Variants in SHKBP1 observed in about 807,000 individuals in gnomAD.
The protein encoded by SHKBP1 is SH3KBP1 binding protein 1, also known as SH3KBP1-binding protein 1.
In SHKBP1, 71 loss-of-function variants were observed where a neutral mutation model predicts 83.9. That is an observed-to-expected ratio of 0.85 (90% CI 0.70 to 1.03). The LOEUF (loss-of-function observed/expected upper bound fraction) is 1.03, where lower values mean the gene tolerates loss of function less well. Ranked by LOEUF, SHKBP1 falls within the 50% of genes least tolerant of loss-of-function variation. SHKBP1 has a pLI of 0.00. For missense variants in SHKBP1, 824 were observed against 982.4 expected, an observed-to-expected ratio of 0.84 and a Z score of 2.16; for synonymous variants, 371 against 398.0, an observed-to-expected ratio of 0.93 and a Z score of 0.81.
rs147795324 is a variant in SHKBP1 at position 40,580,633 on chromosome 19, T to C, written c.630T>C (p.Tyr210=). The C allele has an allele frequency of 5.8e-5, 94 of 1,614,060 alleles. No individual in the cohort carries two copies. The African/African-American group carries it at 1.1e-3, about 20-fold the overall frequency. Residue 210 remains tyrosine (Y), a synonymous_variant, in exon 8 of 18, where the codon TAT becomes TAC. Transcript: ENST00000291842. ...ACCATAATTGGATCGCTGTGGCCTA[T>C]ACCCAGTTTCTAGTCTGCTACAGGT... ...CGHHNWIAVA[Y]TQFLVCYRLK...
intron 6 of SHKBP1, 147 bp from the exon 7 acceptor site, chr19:40,580,177 C>A: frequency 1.1e-6 from 1 of 888,988 alleles, no homozygotes; most frequent in Non-Finnish European, 1.7e-6. Context: ...AGTGTCATTT[C>A]ATGCTGTGTC....
chr19:40,583,928 C>T (rs1309099487), intron 12 of SHKBP1, among the ~76,000 whole-genome samples: 12 of 152,082 alleles, frequency 7.9e-5, no homozygotes, highest in Non-Finnish European at 1.5e-5. Flanking sequence ...GCAACCTCCA[C>T]CTCCTGAGTT....
rs368828827 is a variant in SHKBP1, at chr19:40,586,799, C to T, written c.1191C>T (p.Ile397=). The change falls in exon 13 of 18, where the codon ATC becomes ATT. Residue 397 remains isoleucine, a synonymous_variant. Coordinates refer to ENST00000291842, the MANE Select transcript of SHKBP1 (RefSeq NM_138392.4). ...KTSDSGNWIE[I]AYGTSSGGVR... ...GTGACAGTGGGAACTGGATCGAGAT[C>T]GCCTATGGCACCAGCTCAGGGGGCG... 147 of 1,597,786 alleles carry T rather than the reference C, an allele frequency of 9.2e-5. No individual in the cohort carries two copies. Among genetic ancestry groups the T allele is most frequent in the Admixed American group, 1.4e-4 (8 of 58,928 alleles).
intron 12 of SHKBP1, chr19:40,585,535 C>CTTTTTTTTTTTTTTTTTTTTTT: frequency 7.5e-6 from 1 of 132,916 alleles, no homozygotes; most frequent in Admixed American, 7.6e-5. Flanking sequence ...TTCTTTCTTT[C>CTTTTTTTTTTTTTTTTTTTTTT]TTTTTTTTTT....
At chr19:40,580,248 C>T (rs759860957) in intron 6 of SHKBP1, 76 bp from the exon 7 acceptor site, 12 of 1,509,434 alleles carry the variant, frequency 8.0e-6, no homozygotes, top group South Asian at 6.1e-5. Context: ...AATCAATCAC[C>T]GTCATATTTT....
rs143504599 is a variant in SHKBP1 at position 40,578,626 on chromosome 19, T to G, written c.400+84T>G. ...TAAGGCTGCAGCTCTCGGGTGCCTG[T>G]GCTGTGCGTCCTGAGATACAGTGGG... On this transcript the variant is annotated intron_variant, in intron 6 of 17. Transcript: ENST00000291842. The G allele has an allele frequency of 2.8e-3, 3,488 of 1,244,632 alleles. 11 individuals are homozygous for G. Among genetic ancestry groups the G allele is most frequent in the Non-Finnish European group, 3.6e-3 (3,055 of 849,122 alleles). 77.1% of individuals were successfully genotyped at this position (1,244,632 alleles called of 1,614,324 possible).
At position 40,590,370 on chromosome 19, in the gene SHKBP1, C is replaced by T. The variant is rs1003418908; in HGVS notation, c.1716C>T (p.Ser572=). The T allele has an allele frequency of 1.9e-6, 3 of 1,612,024 alleles. No homozygotes were observed. The highest frequency in any genetic ancestry group is 2.5e-6 in the Non-Finnish European group (3 of 1,179,494). ...TGCTCACTGGCCAGGCCAACGGCAGCTTGGCCATGTGGGACCTAACCACCG... is the reference window on the plus strand; with the variant it reads ...TGCTCACTGGCCAGGCCAACGGCAGTTTGGCCATGTGGGACCTAACCACCG... The part of the protein sequence containing the change: ...RYLLTGQANG[S]LAMWDLTTAM... The change falls in exon 16 of 18, where the codon AGC becomes AGT. Residue 572 remains serine (S), a synonymous_variant. Transcript: ENST00000291842. This position sits in a 1 kb window ranked among gnomAD's most constrained non-coding sequence, Gnocchi z 4.6.
Sources: gnomAD v4.1 joint callset for allele counts (sites outside exome capture counted in the v4.1 genomes callset) on GRCh38, gnomAD v4.1.1 for gene constraint, Gnocchi (gnomAD v3.1) non-coding constraint, MANE v1.5 for transcripts, NCBI Gene and HGNC (gene_info 2026-07-23, HGNC 2026-07-21) for gene names.